Variants in SFMBT2 observed in about 807,000 individuals in gnomAD.
SFMBT2 encodes Scm like with four mbt domains 2.
Under a neutral mutation model 110.1 loss-of-function variants are expected in SFMBT2, and 38 were observed. The observed-to-expected ratio is 0.35, with a 90% CI of 0.27 to 0.45. SFMBT2 has a LOEUF of 0.45. SFMBT2 is among the 20% of genes least tolerant of loss of function. The pLI is 1.00. For synonymous variants in SFMBT2, 425 were observed against 425.4 expected (o/e 1.00, Z 0.01); for missense variants, 1,011 against 1,094.9 (o/e 0.92, Z 1.08).
chr10:7,256,795 C>T (rs189133137), intron 7 of SFMBT2, among the ~76,000 whole-genome samples: 2 of 152,236 alleles, frequency 1.3e-5, no homozygotes, highest in Admixed American at 1.3e-4. Flanking sequence ...GTGACAGGCA[C>T]CATCCTATGA....
At chr10:7,321,358 C>T (rs566763679) in intron 4 of SFMBT2, among the ~76,000 whole-genome samples, 211 of 152,230 alleles carry the variant, frequency 1.4e-3, no homozygotes, top group African/African-American at 4.7e-3. Flanking sequence ...CCCGCCAACA[C>T]GCCCGGCTAA....
chr10:7,297,015 C>A (rs1478501977), intron 4 of SFMBT2, among the ~76,000 whole-genome samples: 7 of 152,236 alleles, frequency 4.6e-5, no homozygotes, highest in Non-Finnish European at 1.0e-4. Context: ...AGAGCTCAGA[C>A]TCACCACACC....
rs556691061 is a variant in SFMBT2 at position 7,392,687 on chromosome 10, C to T, written c.-51-10738G>A. The stretch of plus-strand genomic sequence containing the variant: ...AAATATTTTTCCCAGTCTACCTTTT[C>T]GTGGTTTCTTTTGACAAGAGAGAAT... On this transcript the variant is annotated intron_variant, in intron 1 of 20. Coordinates refer to ENST00000397167, the MANE Select transcript of SFMBT2 (RefSeq NM_001387889.1). Among the ~76,000 whole-genome samples the T allele has an allele frequency of 1.3e-4, 20 of 152,074 alleles. No homozygotes were observed. In the South Asian group the frequency reaches 2.7e-3, roughly 21 times the overall value.
intron 9 of SFMBT2, among the ~76,000 whole-genome samples, chr10:7,238,416 T>C (rs1840326749): frequency 6.6e-6 from 1 of 152,200 alleles, no homozygotes; most frequent in East Asian, 1.9e-4. Flanking sequence ...AATGTTAGCA[T>C]CTGTTGAAGT....
intron 14 of SFMBT2, 40 bp downstream of exon 14, chr10:7,200,374 G>C (rs139088673): frequency 3.4e-6 from 5 of 1,479,064 alleles, no homozygotes; most frequent in Non-Finnish European, 4.6e-6. Flanking sequence ...CCGGCTGCAC[G>C]GTGGGAAGGC....
chr10:7,348,937 C>A (rs1466354219), intron 4 of SFMBT2, among the ~76,000 whole-genome samples: 1 of 152,150 alleles, frequency 6.6e-6, no homozygotes, highest in Non-Finnish European at 1.5e-5. Flanking sequence ...TTGTCACCAC[C>A]ATGACAAGGA....
rs114501700 is a variant in SFMBT2, at chr10:7,184,515, G to A, written c.1808+4109C>T. On this transcript the variant is annotated intron_variant, in intron 16 of 20. Transcript: ENST00000397167. ...TTCCTTATAAATTACCCAGTTGCAG[G>A]TATGTCTTTATCAGCGGCATGAAAA... 7.9e-3 allele frequency among the ~76,000 whole-genome samples: 1,198 copies of A among 152,188 alleles called. 17 individuals are homozygous for A. Among genetic ancestry groups the A allele is most frequent in the African/African-American group, 0.028 (1,145 of 41,490 alleles).
At chr10:7,268,762 CG>C (rs1277968143) in intron 7 of SFMBT2, among the ~76,000 whole-genome samples, 1 of 152,208 alleles carries the variant, frequency 6.6e-6, no homozygotes, top group Non-Finnish European at 1.5e-5. Flanking sequence ...TCACCCACCT[CG>C]GCCTCCCAAA....
intron 1 of SFMBT2, among the ~76,000 whole-genome samples, chr10:7,394,375 C>A (rs1483123777): frequency 6.6e-6 from 1 of 151,848 alleles, no homozygotes; most frequent in Non-Finnish European, 1.5e-5. Context: ...GCGTCCCCAT[C>A]TCCTGCTTGG....
At chr10:7,392,730 TAGTC>T (rs1434850646) in intron 1 of SFMBT2, among the ~76,000 whole-genome samples, 3 of 152,126 alleles carry the variant, frequency 2.0e-5, no homozygotes, top group Admixed American at 1.3e-4. Context: ...TTTTTCAACT[TAGTC>T]AGATCTATCA....
At position 7,316,712 on chromosome 10, in the gene SFMBT2, T is replaced by C. The variant is rs904249826; in HGVS notation, c.437-30758A>G. 7.2e-5 allele frequency among the ~76,000 whole-genome samples: 11 copies of C among 152,048 alleles called. 1 individual carries two copies. Among genetic ancestry groups the C allele is most frequent in the Admixed American group, 7.2e-4 (11 of 15,276 alleles). The stretch of plus-strand genomic sequence containing the variant: ...AGCATCGTGCCTGTAAATGAAGAGG[T>C]TCCCCTTTCTGGCCTGCCAAGATGG... On this transcript the variant is annotated intron_variant, in intron 4 of 20. Coordinates refer to ENST00000397167, the MANE Select transcript of SFMBT2 (RefSeq NM_001387889.1).
chr10:7,204,387 G>C (rs977929368), intron 12 of SFMBT2: 13 of 985,292 alleles, frequency 1.3e-5, no homozygotes, highest in African/African-American at 1.7e-5. Flanking sequence ...AAGAAGTAAA[G>C]TTGGTGCCTA....
intron 7 of SFMBT2, among the ~76,000 whole-genome samples, chr10:7,263,304 C>T (rs535030307): frequency 3.3e-5 from 5 of 152,232 alleles, no homozygotes; most frequent in African/African-American, 7.2e-5. Context: ...TACAATGGCG[C>T]GATCTCAGCT....
At chr10:7,283,564 C>A (rs1051874540) in intron 6 of SFMBT2, among the ~76,000 whole-genome samples, 1 of 152,114 alleles carries the variant, frequency 6.6e-6, no homozygotes, top group African/African-American at 2.4e-5. Context: ...CCAGAGATTT[C>A]GGAACCTACT....
rs140985572 is a variant in SFMBT2 at position 7,279,977 on chromosome 10, C to T, written c.773-2988G>A. 3.1e-3 allele frequency among the ~76,000 whole-genome samples: 477 copies of T among 152,328 alleles called. 14 individuals carry two copies. The East Asian group carries it at 0.045, about 14-fold the overall frequency. On this transcript the variant is annotated intron_variant, in intron 6 of 20. Coordinates refer to ENST00000397167, the MANE Select transcript of SFMBT2 (RefSeq NM_001387889.1). The stretch of plus-strand genomic sequence containing the variant: ...TAAATGTTTCTCCTCACAATTCTTA[C>T]TTGAAGCCCTAACCCCAAAGGGATG...
At chr10:7,178,485 T>A (rs1213073746) in intron 16 of SFMBT2, among the ~76,000 whole-genome samples, 1 of 152,138 alleles carries the variant, frequency 6.6e-6, no homozygotes, top group Non-Finnish European at 1.5e-5. Flanking sequence ...TGCCATCATA[T>A]ATAAATATCA....
intron 1 of SFMBT2, among the ~76,000 whole-genome samples, chr10:7,398,258 C>A (rs1338936917): frequency 6.6e-6 from 1 of 152,198 alleles, no homozygotes; most frequent in African/African-American, 2.4e-5. Flanking sequence ...ACCTCCCAAT[C>A]AAACAATGTA....
intron 16 of SFMBT2, among the ~76,000 whole-genome samples, chr10:7,186,384 CATAT>C (rs1048598445): frequency 4.0e-5 from 6 of 150,136 alleles, no homozygotes; most frequent in African/African-American, 1.2e-4. Context: ...GTATATATGA[CATAT>C]ATATACATAC....
intron 12 of SFMBT2, chr10:7,205,609 C>T (rs534875641): frequency 1.4e-4 from 141 of 985,302 alleles, no homozygotes; most frequent in South Asian, 8.0e-4. Context: ...TCAACTGTCC[C>T]TCACTGTTAA....
Sources: allele counts gnomAD v4.1 joint callset (sites outside exome capture counted in the v4.1 genomes callset), GRCh38; gene constraint gnomAD v4.1.1; transcripts MANE v1.5; gene names NCBI Gene and HGNC (gene_info 2026-07-23, HGNC 2026-07-21).